The following PXN variants were observed in gnomAD, a reference collection of about 807,000 sequenced individuals.
PXN encodes testicular tissue protein Li 134.
In PXN, 61 loss-of-function variants were observed where a neutral mutation model predicts 103.6. That is an observed-to-expected ratio of 0.59 (90% CI 0.48 to 0.73). The LOEUF is 0.73. PXN is among the 30% of genes least tolerant of loss of function. PXN has a pLI of 0.00. For missense variants in PXN, 1,274 were observed against 1,460.3 expected (o/e 0.87, Z 2.08); for synonymous variants, 562 against 607.8 (o/e 0.92, Z 1.11).
Position 120,214,724 on chromosome 12 carries a change from G to A in PXN, c.2748+101C>T. 6.8e-7 allele frequency: 1 copy of A among 1,468,004 alleles called. No individual in the cohort carries two copies. The highest frequency in any genetic ancestry group is 1.2e-5 in the South Asian group (1 of 80,402). 90.9% of individuals were successfully genotyped at this position (1,468,004 alleles called of 1,614,324 possible). On this transcript the variant is annotated intron_variant, in intron 12 of 14. Transcript: ENST00000637617. The surrounding 1 kb of genome is among the most constrained non-coding windows in gnomAD (Gnocchi z 5.0). The stretch of plus-strand genomic sequence containing the variant: ...CCCTAGCCCTGTGAGCCTCGGGCAT[G>A]TGACCTCTCTGAGCCTCCCACGGCA...
intron 1 of PXN, among the ~76,000 whole-genome samples, chr12:120,233,480 T>C (rs566942003): frequency 2.6e-5 from 4 of 152,238 alleles, no homozygotes; most frequent in Non-Finnish European, 4.4e-5. Flanking sequence ...ATTTTTGTAT[T>C]TTCTTAGTAG....
In PXN at chr12:120,213,869, C is replaced by T. The variant is rs1240998259; in HGVS notation, c.2952G>A (p.Leu984=). 7 of 1,611,478 alleles carry T rather than the reference C, an allele frequency of 4.3e-6. No individual in the cohort carries two copies. The highest frequency in any genetic ancestry group is 3.3e-5 in the South Asian group (3 of 90,464). The stretch of plus-strand genomic sequence containing the variant: ...GGCACACAAAGCACTCAGGATGCCA[C>T]AGCGTGTTGAGGGCTGAGATATAGT... ...LENYISALNT[L]WHPECFVCRE... The change falls in exon 14 of 15, where the codon CTG becomes CTA. Residue 984 remains leucine (L), a synonymous_variant. Transcript: ENST00000637617. The surrounding 1 kb of genome is among the most constrained non-coding windows in gnomAD (Gnocchi z 4.2).
intron 1 of PXN, among the ~76,000 whole-genome samples, chr12:120,242,831 A>C (rs1478195445): frequency 6.6e-6 from 1 of 151,868 alleles, no homozygotes; most frequent in East Asian, 1.9e-4. Flanking sequence ...CAGTGAGCCA[A>C]GATTATGCCA....
Position 120,214,142 on chromosome 12 carries a change from G to A in PXN, c.2824C>T (p.Pro942Ser). The change falls in exon 13 of 15, where the codon CCC becomes TCC. Residue 942 changes from proline to serine, a missense_variant. Transcript: ENST00000637617. The surrounding 1 kb of genome is among the most constrained non-coding windows in gnomAD (Gnocchi z 5.0). ...CCGCCGGTCCAGCCCGTACCTTCGGGACCAAAGAAGGCTCCACACTGTGCA... is the reference window on the plus strand; with the variant it reads ...CCGCCGGTCCAGCCCGTACCTTCGGAACCAAAGAAGGCTCCACACTGTGCA... ...FCAQCGAFFGPEGFHEKDGKA... is the reference protein window; with the variant it reads ...FCAQCGAFFGSEGFHEKDGKA... 1.3e-6 allele frequency: 2 copies of A among 1,552,720 alleles called. No individual in the cohort carries two copies. Among genetic ancestry groups the A allele is most frequent in the Non-Finnish European group, 1.7e-6 (2 of 1,147,780 alleles).
rs1398401802 is a variant in PXN, at chr12:120,215,351, T to C, written c.2404-78A>G. 1.3e-6 allele frequency: 2 copies of C among 1,519,190 alleles called. No homozygotes were observed. Among genetic ancestry groups the C allele is most frequent in the East Asian group, 2.5e-5 (1 of 40,784 alleles). The allele number at this position is 1,519,190 out of a possible 1,614,324, so 94.1% of individuals were successfully genotyped here. On this transcript the variant is annotated intron_variant, in intron 10 of 14. Coordinates refer to ENST00000637617, the MANE Select transcript of PXN (RefSeq NM_001385981.1). This position sits in a 1 kb window ranked among gnomAD's most constrained non-coding sequence, Gnocchi z 4.9. Reference sequence around the variant, plus strand: ...CTGGCAGCACAGGGATGGGGGTACTTTTCTCCCTCCTGGACAGATGAGCTG... The same window carrying C: ...CTGGCAGCACAGGGATGGGGGTACTCTTCTCCCTCCTGGACAGATGAGCTG...
chr12:120,226,837 A>T, intron 1 of PXN: 1 of 1,010,820 alleles, frequency 9.9e-7, no homozygotes. Flanking sequence ...AATAACTCTG[A>T]CCTCAAAGTA....
intron 1 of PXN, among the ~76,000 whole-genome samples, chr12:120,257,276 C>G (rs1311028745): frequency 1.3e-5 from 2 of 152,202 alleles, no homozygotes; most frequent in African/African-American, 4.8e-5. Flanking sequence ...AAGCTGCATT[C>G]CATTTCATTA....
At position 120,229,918 on chromosome 12, in the gene PXN, C is replaced by A. The variant is rs548434098; in HGVS notation, c.14-5541G>T. Among the ~76,000 whole-genome samples, 1 of 152,298 alleles carries A rather than the reference C, an allele frequency of 6.6e-6. No individual in the cohort carries two copies. Among genetic ancestry groups the A allele is most frequent in the African/African-American group, 2.4e-5 (1 of 41,538 alleles). On this transcript the variant is annotated intron_variant, in intron 1 of 14. Coordinates refer to ENST00000637617, the MANE Select transcript of PXN (RefSeq NM_001385981.1). This position sits in a 1 kb window ranked among gnomAD's most constrained non-coding sequence, Gnocchi z 4.0. Reference sequence around the variant, plus strand: ...GCCAGGGCCCCGTGGTCCCTGCCCACCTTTGCCATTCTGGACTCCTCCACC... The same window carrying A: ...GCCAGGGCCCCGTGGTCCCTGCCCAACTTTGCCATTCTGGACTCCTCCACC...
chr12:120,257,183 A>G (rs1175439900), intron 1 of PXN, among the ~76,000 whole-genome samples: 2 of 152,184 alleles, frequency 1.3e-5, no homozygotes, highest in East Asian at 3.8e-4. Flanking sequence ...CTACGATTCA[A>G]AACAGCTGGA....
rs914622440 is a variant in PXN, at chr12:120,220,678, G to A, written c.832-587C>T. ...CCCTGAATCCAACTTACTTGCTTCT[G>A]ACCATGGCTGCTCAGAACCACTGGC... On this transcript the variant is annotated intron_variant, in intron 6 of 14. Coordinates refer to ENST00000637617, the MANE Select transcript of PXN (RefSeq NM_001385981.1). This position sits in a 1 kb window ranked among gnomAD's most constrained non-coding sequence, Gnocchi z 6.1. 1.2e-4 allele frequency among the ~76,000 whole-genome samples: 18 copies of A among 152,180 alleles called. No homozygotes were observed. The highest frequency in any genetic ancestry group is 4.3e-4 in the African/African-American group (18 of 41,456).
Position 120,223,787 on chromosome 12 carries a change from C to A in PXN, c.287G>T (p.Ser96Ile), listed in dbSNP as rs1408212307. Residue 96 changes from serine to isoleucine, a missense_variant, in exon 3 of 15, where the codon AGT (serine) becomes ATT (isoleucine). By Grantham distance (142) the Ser-to-Ile change is moderately radical. Transcript: ENST00000637617. ...PVYGSSAKTS[S>I]VSNPQDSVGS... ...AACACTGTCCTGAGGGTTGGAGACA[C>A]TGGAAGTTTTGGCACTGGAGCCGTA... 4.3e-6 allele frequency: 7 copies of A among 1,610,638 alleles called. No individual in the cohort carries two copies. The East Asian group carries it at 1.6e-4, about 36-fold the overall frequency.
At chr12:120,261,482 T>C (rs1033428281) in intron 1 of PXN, among the ~76,000 whole-genome samples, 4 of 152,158 alleles carry the variant, frequency 2.6e-5, no homozygotes, top group Admixed American at 1.3e-4. Context: ...TGAGCCACCA[T>C]GCCCGGCAGA....
intron 1 of PXN, among the ~76,000 whole-genome samples, chr12:120,259,587 C>A (rs1380362809): frequency 6.6e-6 from 1 of 152,144 alleles, no homozygotes; most frequent in Admixed American, 6.6e-5. Flanking sequence ...CCTGGCCAAC[C>A]GCATGTTCTG....
Position 120,224,745 on chromosome 12 carries a change from G to C in PXN, c.14-368C>G, listed in dbSNP as rs781646804. ...CTCTGAATCTGCAGGGCAACGCGGAGAGAATGGGCGGGAGGGGCCCCACGT... is the reference window on the plus strand; with the variant it reads ...CTCTGAATCTGCAGGGCAACGCGGACAGAATGGGCGGGAGGGGCCCCACGT... On this transcript the variant is annotated intron_variant, in intron 1 of 14. Transcript: ENST00000637617. The surrounding 1 kb of genome is among the most constrained non-coding windows in gnomAD (Gnocchi z 5.0). 76 of 506,998 alleles carry C rather than the reference G, an allele frequency of 1.5e-4. No homozygotes were observed. The highest frequency in any genetic ancestry group is 9.7e-4 in the South Asian group (63 of 65,012). 31.4% of individuals were successfully genotyped at this position (506,998 alleles called of 1,614,324 possible).
intron 1 of PXN, among the ~76,000 whole-genome samples, chr12:120,254,002 T>G (rs894843503): frequency 2.0e-5 from 3 of 152,146 alleles, no homozygotes; most frequent in African/African-American, 7.2e-5. Context: ...TGCCTCAGGC[T>G]CCCAAGTGGC....
rs1038190409 is a variant in PXN, at chr12:120,210,758, G to A, written c.*1556C>T. 1.3e-5 allele frequency: 2 copies of A among 152,744 alleles called. No individual in the cohort carries two copies. Among genetic ancestry groups the A allele is most frequent in the Non-Finnish European group, 2.9e-5 (2 of 68,182 alleles). The allele number at this position is 152,744 out of a possible 1,614,324, so 9.5% of individuals were successfully genotyped here. On this transcript the variant is annotated 3_prime_UTR_variant, in exon 15 of 15. Transcript: ENST00000637617. Reference sequence around the variant, plus strand: ...ACTCGGCTTCTGCCAGGAGGCCAGTGGAGTGGTTTGGACTGTCACCATTAG... The same window carrying A: ...ACTCGGCTTCTGCCAGGAGGCCAGTAGAGTGGTTTGGACTGTCACCATTAG...
In PXN at chr12:120,214,587, G is replaced by C. The variant is rs974535379; in HGVS notation, c.2748+238C>G. Among the ~76,000 whole-genome samples the C allele has an allele frequency of 4.6e-5, 7 of 152,180 alleles. No individual in the cohort carries two copies. The highest frequency in any genetic ancestry group is 6.5e-5 in the Admixed American group (1 of 15,274). The stretch of plus-strand genomic sequence containing the variant: ...TATCTCCTCAGGGCTCCTGAGTCCT[G>C]GGAGTCTCCACAGAAAGGAATCGAG... On this transcript the variant is annotated intron_variant, in intron 12 of 14. Transcript: ENST00000637617. The surrounding 1 kb of genome is among the most constrained non-coding windows in gnomAD (Gnocchi z 5.0).
In PXN at chr12:120,213,736, C is replaced by A; in HGVS notation, c.2979+106G>T. The stretch of plus-strand genomic sequence containing the variant: ...CCCTGCCTGCTCCCCCAATTAATAA[C>A]CCCAAATGAGGCCTCTGAGTTGGAT... On this transcript the variant is annotated intron_variant, in intron 14 of 14. Transcript: ENST00000637617. This position sits in a 1 kb window ranked among gnomAD's most constrained non-coding sequence, Gnocchi z 4.2. 1 of 1,438,562 alleles carries A rather than the reference C, an allele frequency of 7.0e-7. No homozygotes were observed. Among genetic ancestry groups the A allele is most frequent in the Non-Finnish European group, 9.4e-7 (1 of 1,063,604 alleles). 89.1% of individuals were successfully genotyped at this position (1,438,562 alleles called of 1,614,324 possible).
intron 1 of PXN, among the ~76,000 whole-genome samples, chr12:120,228,000 C>A (rs1462130737): frequency 2.0e-5 from 3 of 152,172 alleles, no homozygotes; most frequent in Non-Finnish European, 4.4e-5. Flanking sequence ...CCGGCTCCAG[C>A]CTTTCCCTCT....
Sources: gnomAD v4.1 joint callset for allele counts (sites outside exome capture counted in the v4.1 genomes callset) on GRCh38, gnomAD v4.1.1 for gene constraint, Gnocchi (gnomAD v3.1) non-coding constraint, MANE v1.5 for transcripts, NCBI Gene and HGNC (gene_info 2026-07-23, HGNC 2026-07-21) for gene names.